The following SPTB variants were observed in gnomAD, a reference collection of about 807,000 sequenced individuals.
SPTB encodes the protein spectrin beta, erythrocytic.
Under a neutral mutation model 256.2 loss-of-function variants are expected in SPTB, and 45 were observed. That is an observed-to-expected ratio of 0.18 (90% CI 0.14 to 0.23). SPTB has a LOEUF of 0.23. SPTB is among the 10% of genes least tolerant of loss of function. The pLI, the probability that SPTB is intolerant of heterozygous loss-of-function variation, is 1.00. For missense variants in SPTB, 2,715 were observed against 3,040.4 expected (o/e 0.89, Z 2.52); for synonymous variants, 1,231 against 1,243.1 (o/e 0.99, Z 0.21).
Position 64,764,625 on chromosome 14 carries a change from AT to A in SPTB, c.6345+2100del, listed in dbSNP as rs2082139260. Among the ~76,000 whole-genome samples, 1 of 152,150 alleles carries A rather than the reference AT, an allele frequency of 6.6e-6. No homozygotes were observed. Among genetic ancestry groups the A allele is most frequent in the Admixed American group, 6.5e-5 (1 of 15,278 alleles). Reference sequence around the variant, plus strand: ...GCGGCTCTGATGCACAAGTAATTACATTTGCACAGACACAGATGACACAGAC... The same window carrying A: ...GCGGCTCTGATGCACAAGTAATTACATTGCACAGACACAGATGACACAGAC... On this transcript the variant is annotated intron_variant, in intron 32 of 35. Coordinates refer to ENST00000644917, the MANE Select transcript of SPTB (RefSeq NM_001355436.2). This position sits in a 1 kb window ranked among gnomAD's most constrained non-coding sequence, Gnocchi z 4.2.
At chr14:64,860,454 A>G (rs1185843042) in intron 1 of SPTB, among the ~76,000 whole-genome samples, 1 of 152,110 alleles carries the variant, frequency 6.6e-6, no homozygotes, top group African/African-American at 2.4e-5. Context: ...CAGGGCTCTG[A>G]GAAAAGGGAA....
Position 64,759,402 on chromosome 14 carries a change from C to T in SPTB, c.6346-5609G>A, listed in dbSNP as rs1422533786. On this transcript the variant is annotated intron_variant, in intron 32 of 35. Transcript: ENST00000644917. The surrounding 1 kb of genome is among the most constrained non-coding windows in gnomAD (Gnocchi z 4.8). The stretch of plus-strand genomic sequence containing the variant: ...CCAGCTCACCAGCTGAACCATCCAC[C>T]CATGCCAACCGTGGGCCCTGGGTCA... Among the ~76,000 whole-genome samples the T allele has an allele frequency of 6.6e-6, 1 of 152,204 alleles. No individual in the cohort carries two copies. The highest frequency in any genetic ancestry group is 1.5e-5 in the Non-Finnish European group (1 of 68,030).
At chr14:64,791,943 T>C in intron 14 of SPTB, 87 bp from the exon 15 acceptor site, 2 of 1,560,872 alleles carry the variant, frequency 1.3e-6, no homozygotes, top group Non-Finnish European at 1.7e-6. Flanking sequence ...CCAGAACATG[T>C]AGCTCTTGCT....
At chr14:64,780,760 T>TGGCAA (rs2082455252) in intron 20 of SPTB, among the ~76,000 whole-genome samples, 1 of 152,232 alleles carries the variant, frequency 6.6e-6, no homozygotes, top group South Asian at 2.1e-4. Context: ...AGAGCCTGAA[T>TGGCAA]GGCCAAGGCA....
rs550528085 is a variant in SPTB, at chr14:64,795,002, G to A, written c.1644+335C>T. Among the ~76,000 whole-genome samples the A allele has an allele frequency of 6.0e-4, 91 of 152,342 alleles. No homozygotes were observed. The highest frequency in any genetic ancestry group is 1.4e-3 in the Admixed American group (22 of 15,310). ...CTGGGAGGTCTGGATTCTAACCAGA[G>A]TCAAATTGTAATTACTAAGAGCTTG... On this transcript the variant is annotated intron_variant, in intron 12 of 35. Coordinates refer to ENST00000644917, the MANE Select transcript of SPTB (RefSeq NM_001355436.2). This position sits in a 1 kb window ranked among gnomAD's most constrained non-coding sequence, Gnocchi z 6.5.
intron 12 of SPTB, 58 bp from the exon 13 acceptor site, chr14:64,794,675 G>C: frequency 6.2e-7 from 1 of 1,607,236 alleles, no homozygotes; most frequent in Non-Finnish European, 8.5e-7. Context: ...TACACATTAG[G>C]AGAAGAGACC....
chr14:64,766,816 GTC>G lies in SPTB; in HGVS notation c.6270-17_6270-16del. On this transcript the variant is annotated splice_polypyrimidine_tract_variant and intron_variant, in intron 31 of 35. Coordinates refer to ENST00000644917, the MANE Select transcript of SPTB (RefSeq NM_001355436.2). ...CCTCTTGAGGCCTAAGGAAGACACA[GTC>G]TCTCTTTAGAAACAAGCACCCCTCT... is the stretch of plus-strand genomic sequence containing the variant. 6.2e-7 allele frequency: 1 copy of G among 1,609,402 alleles called. No individual in the cohort carries two copies. The highest frequency in any genetic ancestry group is 8.5e-7 in the Non-Finnish European group (1 of 1,179,858).
intron 1 of SPTB, among the ~76,000 whole-genome samples, chr14:64,864,357 A>G (rs532608667): frequency 2.7e-4 from 41 of 152,136 alleles, no homozygotes; most frequent in Admixed American, 8.5e-4. Context: ...GCTGAGGCAG[A>G]AAAATCACTT....
At chr14:64,820,606 T>C (rs1442237229) in intron 2 of SPTB, among the ~76,000 whole-genome samples, 1 of 152,196 alleles carries the variant, frequency 6.6e-6, no homozygotes, top group Non-Finnish European at 1.5e-5. Context: ...GTCAGATGCA[T>C]GCTCCTGGTG....
At chr14:64,872,791 G>A (rs963611403) in intron 1 of SPTB, among the ~76,000 whole-genome samples, 3 of 152,202 alleles carry the variant, frequency 2.0e-5, no homozygotes, top group African/African-American at 4.8e-5. Context: ...TTCCTGTGCT[G>A]TTCTCGTGAT....
intron 32 of SPTB, 51 bp downstream of exon 32, chr14:64,766,675 C>T: frequency 1.2e-6 from 2 of 1,613,330 alleles, no homozygotes; most frequent in Non-Finnish European, 1.7e-6. Context: ...GGTGAGAGGG[C>T]TCTGGCTGCA....
chr14:64,876,926 C>G (rs997147306), intron 1 of SPTB, among the ~76,000 whole-genome samples: 3 of 152,094 alleles, frequency 2.0e-5, no homozygotes, highest in East Asian at 3.9e-4. Context: ...AGTGTGGGTG[C>G]CATAGCTACA....
rs1437235084 is a variant in SPTB at position 64,772,570 on chromosome 14, C to T, written c.5553+10G>A. On this transcript the variant is annotated intron_variant, in intron 26 of 35. Coordinates refer to ENST00000644917, the MANE Select transcript of SPTB (RefSeq NM_001355436.2). The surrounding 1 kb of genome is among the most constrained non-coding windows in gnomAD (Gnocchi z 5.4). ...TTGGTAGCAGGTGGGCGGCAGGGGGCTGAAGGTACCTGGACACCCAGCAGG... is the reference window on the plus strand; with the variant it reads ...TTGGTAGCAGGTGGGCGGCAGGGGGTTGAAGGTACCTGGACACCCAGCAGG... 1 of 1,603,742 alleles carries T rather than the reference C, an allele frequency of 6.2e-7. No homozygotes were observed. The highest frequency in any genetic ancestry group is 1.3e-5 in the African/African-American group (1 of 74,874).
At chr14:64,812,630 C>T (rs2083110722) in intron 2 of SPTB, among the ~76,000 whole-genome samples, 1 of 152,080 alleles carries the variant, frequency 6.6e-6, no homozygotes, top group Admixed American at 6.5e-5. Context: ...CTCCCTCCTC[C>T]CTTCTCGGTG....
intron 15 of SPTB, 82 bp from the exon 16 acceptor site, chr14:64,787,242 C>T: frequency 6.5e-7 from 1 of 1,542,174 alleles, no homozygotes; most frequent in Non-Finnish European, 8.8e-7. Flanking sequence ...TGACCCCTTC[C>T]CACATTTCCC....
Position 64,797,522 on chromosome 14 carries a change from A to C in SPTB, c.1182+207T>G, listed in dbSNP as rs181105004. Reference sequence around the variant, plus strand: ...AAAAAAGGACTCAGGGATGCAGGGCATCTGAACAGGGGGATTGAAGGAGGG... The same window carrying C: ...AAAAAAGGACTCAGGGATGCAGGGCCTCTGAACAGGGGGATTGAAGGAGGG... On this transcript the variant is annotated intron_variant, in intron 10 of 35. Transcript: ENST00000644917. Among the ~76,000 whole-genome samples the C allele has an allele frequency of 3.7e-3, 517 of 140,636 alleles. 1 individual carries two copies. The highest frequency in any genetic ancestry group is 0.015 in the Middle Eastern group (4 of 270). The allele number at this position is 140,636 out of a possible 152,430, so 92.3% of individuals were successfully genotyped here.
At chr14:64,794,769 G>C (rs2139600228) in intron 12 of SPTB, 152 bp from the exon 13 acceptor site, 1 of 984,580 alleles carries the variant, frequency 1.0e-6, no homozygotes, top group Non-Finnish European at 1.5e-6. Flanking sequence ...GATGGAAGAA[G>C]CTCCAGAGGG....
At chr14:64,769,561 G>T in intron 28 of SPTB, 29 bp downstream of exon 28, 1 of 1,612,684 alleles carries the variant, frequency 6.2e-7, no homozygotes, top group Non-Finnish European at 8.5e-7. Flanking sequence ...AGACGGAGGA[G>T]CTCGCCTCCA....
rs2082781364 is a variant in SPTB at position 64,796,911 on chromosome 14, G to A, written c.1183-196C>T. Among the ~76,000 whole-genome samples the A allele has an allele frequency of 6.6e-6, 1 of 152,110 alleles. No homozygotes were observed. The highest frequency in any genetic ancestry group is 6.5e-5 in the Admixed American group (1 of 15,270). ...TCTGGGCCCATCAAAGATTCAGAGG[G>A]CACTGCTCATGAGTCTCACTTCCCT... On this transcript the variant is annotated intron_variant, in intron 10 of 35. Coordinates refer to ENST00000644917, the MANE Select transcript of SPTB (RefSeq NM_001355436.2). The surrounding 1 kb of genome is among the most constrained non-coding windows in gnomAD (Gnocchi z 4.1).
Sources: allele counts gnomAD v4.1 joint callset (sites outside exome capture counted in the v4.1 genomes callset), GRCh38; gene constraint gnomAD v4.1.1; non-coding constraint Gnocchi (gnomAD v3.1); transcripts MANE v1.5; gene names NCBI Gene and HGNC (gene_info 2026-07-23, HGNC 2026-07-21).